Variants in EGFLAM observed in about 807,000 individuals in gnomAD.
EGFLAM encodes pikachurin.
A neutral mutation model predicts 113.1 loss-of-function variants in EGFLAM; 79 were observed. The observed-to-expected ratio is 0.70, with a 90% CI of 0.58 to 0.84. EGFLAM has a LOEUF of 0.84. Ranked by LOEUF, EGFLAM falls within the 40% of genes least tolerant of loss-of-function variation. The pLI is 0.00. For synonymous variants in EGFLAM, 504 were observed against 487.6 expected, an observed-to-expected ratio of 1.03 and a Z score of -0.44; for missense variants, 1,265 against 1,291.6, an observed-to-expected ratio of 0.98 and a Z score of 0.32.
chr5:38,418,271 G>A lies in EGFLAM; in HGVS notation c.1684+16G>A. The stretch of plus-strand genomic sequence containing the variant: ...GCTGATGTGGGTAAGTGGCTGCCTG[G>A]TGGGTTGGGGTACTCTTATGGGACT... On this transcript the variant is annotated intron_variant, in intron 12 of 21. Transcript: ENST00000322350. 1.2e-6 allele frequency: 2 copies of A among 1,613,440 alleles called. No homozygotes were observed. Among genetic ancestry groups the A allele is most frequent in the East Asian group, 2.2e-5 (1 of 44,846 alleles).
chr5:38,383,093 A>G (rs1740558200), intron 6 of EGFLAM, among the ~76,000 whole-genome samples: 1 of 152,212 alleles, frequency 6.6e-6, no homozygotes, highest in Admixed American at 6.5e-5. Flanking sequence ...GTTGACCTTG[A>G]GAGCAGCTCC....
chr5:38,396,257 GGAGA>G (rs57874446), intron 6 of EGFLAM, among the ~76,000 whole-genome samples: 162 of 150,392 alleles, frequency 1.1e-3, no homozygotes, highest in African/African-American at 3.2e-3. Context: ...TCCCACAGAA[GGAGA>G]GAGAGAGAGA....
intron 19 of EGFLAM, 59 bp from the exon 20 acceptor site, chr5:38,458,252 T>C: frequency 6.6e-7 from 1 of 1,503,768 alleles, no homozygotes; most frequent in Admixed American, 1.9e-5. Context: ...GTGAACCGTG[T>C]CTGCTTATGC....
chr5:38,267,980 C>A (rs1449645521), intron 1 of EGFLAM, among the ~76,000 whole-genome samples: 1 of 152,158 alleles, frequency 6.6e-6, no homozygotes, highest in Non-Finnish European at 1.5e-5. Flanking sequence ...AAGAATCCAG[C>A]AACTCCAGAA....
chr5:38,459,274 G>A (rs1743195431), intron 20 of EGFLAM, among the ~76,000 whole-genome samples: 1 of 151,708 alleles, frequency 6.6e-6, no homozygotes, highest in Non-Finnish European at 1.5e-5. Context: ...CAAAGTGTTG[G>A]GATTACAGGC....
At chr5:38,277,055 C>G (rs1757903022) in intron 1 of EGFLAM, among the ~76,000 whole-genome samples, 1 of 152,156 alleles carries the variant, frequency 6.6e-6, no homozygotes, top group Non-Finnish European at 1.5e-5. Context: ...TACTTCCAAA[C>G]TCATTCTACA....
intron 6 of EGFLAM, among the ~76,000 whole-genome samples, chr5:38,378,597 T>G (rs1329886052): frequency 6.6e-6 from 1 of 152,222 alleles, no homozygotes; most frequent in Non-Finnish European, 1.5e-5. Context: ...CTCTAGCAGC[T>G]TCCTTACAGC....
chr5:38,456,734 C>T (rs1743099997), intron 19 of EGFLAM, among the ~76,000 whole-genome samples: 1 of 152,010 alleles, frequency 6.6e-6, no homozygotes, highest in Admixed American at 6.5e-5. Context: ...GAGTACATGC[C>T]AGTGCTTGTT....
chr5:38,458,854 G>A (rs1055955388), intron 20 of EGFLAM, among the ~76,000 whole-genome samples: 1 of 151,910 alleles, frequency 6.6e-6, no homozygotes, highest in African/African-American at 2.4e-5. Context: ...GGTGGCACAC[G>A]CCTGTAATCC....
chr5:38,387,997 G>A (rs1561062012), intron 6 of EGFLAM, among the ~76,000 whole-genome samples: 3 of 152,282 alleles, frequency 2.0e-5, no homozygotes, highest in African/African-American at 4.8e-5. Context: ...ACCCTCCCCA[G>A]CTTAGTTACC....
chr5:38,305,858 G>A (rs968027971), intron 1 of EGFLAM, among the ~76,000 whole-genome samples: 3 of 152,206 alleles, frequency 2.0e-5, no homozygotes, highest in African/African-American at 7.2e-5. Flanking sequence ...CAAGGCAGTA[G>A]GACAGACATT....
chr5:38,307,601 A>G (rs1387042155), intron 1 of EGFLAM, among the ~76,000 whole-genome samples: 3 of 152,258 alleles, frequency 2.0e-5, no homozygotes, highest in African/African-American at 7.2e-5. Flanking sequence ...TCTCTATAGA[A>G]GCATGAGAAT....
At chr5:38,270,637 G>A (rs1757743164) in intron 1 of EGFLAM, among the ~76,000 whole-genome samples, 1 of 129,184 alleles carries the variant, frequency 7.7e-6, no homozygotes. Flanking sequence ...TTGAATTCTA[G>A]CTTTAAAATT....
At chr5:38,404,774 G>A (rs1471656887) in intron 6 of EGFLAM, among the ~76,000 whole-genome samples, 2 of 152,180 alleles carry the variant, frequency 1.3e-5, no homozygotes, top group Non-Finnish European at 2.9e-5. Flanking sequence ...GGCTTTTTCA[G>A]TTGAGAGAGG....
At chr5:38,283,664 C>A (rs542816783) in intron 1 of EGFLAM, among the ~76,000 whole-genome samples, 1 of 152,106 alleles carries the variant, frequency 6.6e-6, no homozygotes, top group South Asian at 2.1e-4. Context: ...GGATGAGGAC[C>A]CAAGTCTTCT....
At chr5:38,334,431 A>G (rs1445204128) in intron 1 of EGFLAM, among the ~76,000 whole-genome samples, 1 of 152,180 alleles carries the variant, frequency 6.6e-6, no homozygotes, top group Non-Finnish European at 1.5e-5. Flanking sequence ...GTGTCTTCAC[A>G]TAGCAGAAGG....
At chr5:38,264,662 C>T (rs148480937) in intron 1 of EGFLAM, among the ~76,000 whole-genome samples, 1 of 152,296 alleles carries the variant, frequency 6.6e-6, no homozygotes, top group East Asian at 1.9e-4. Context: ...GCCCTCTTCC[C>T]AAAGCATGGC....
intron 3 of EGFLAM, 45 bp downstream of exon 3, chr5:38,338,826 C>T (rs368390649): frequency 4.9e-5 from 75 of 1,537,652 alleles, no homozygotes; most frequent in African/African-American, 6.8e-5. Flanking sequence ...CATGTGGGCA[C>T]TATTCGGGCG....
chr5:38,393,578 T>C (rs151061669), intron 6 of EGFLAM, among the ~76,000 whole-genome samples: 132 of 152,322 alleles, frequency 8.7e-4, no homozygotes, highest in Admixed American at 1.6e-3. Context: ...AAAACAGTAA[T>C]GATGAGACAG....
Sources: gnomAD v4.1 joint callset for allele counts (sites outside exome capture counted in the v4.1 genomes callset) on GRCh38, gnomAD v4.1.1 for gene constraint, MANE v1.5 for transcripts, NCBI Gene and HGNC (gene_info 2026-07-23, HGNC 2026-07-21) for gene names.